Variants in HS2ST1 observed in about 807,000 individuals in gnomAD.
The protein encoded by HS2ST1 is heparan sulfate 2-O-sulfotransferase 1, also known as 2-O-sulfotransferase.
HS2ST1 carries 18 observed loss-of-function variants against 42.9 expected under a neutral mutation model. The ratio of observed to expected loss-of-function variants is 0.42; its 90% confidence interval spans 0.29 to 0.62. HS2ST1 has a LOEUF of 0.62. Ranked by LOEUF, HS2ST1 falls within the 20% of genes least tolerant of loss-of-function variation. HS2ST1 has a pLI of 0.21. For missense variants in HS2ST1, 334 were observed against 433.8 expected (o/e 0.77, Z 2.04); for synonymous variants, 146 against 152.9 (o/e 0.95, Z 0.33).
rs749636675 is a variant in HS2ST1 at position 86,915,066 on chromosome 1, C to G, written c.30C>G (p.Pro10=). ...GGCTCCTCAGGATTATGATGCCGCC[C>G]AAGTTGCAGCTGCTGGCGGTGGTGG... The part of the protein sequence containing the change: MGLLRIMMP[P]KLQLLAVVAF... Residue 10 remains proline (P), a synonymous_variant, in exon 1 of 7, where the codon CCC becomes CCG. Coordinates refer to ENST00000370550, the MANE Select transcript of HS2ST1 (RefSeq NM_012262.4). 67 of 1,614,044 alleles carry G rather than the reference C, an allele frequency of 4.2e-5. No homozygotes were observed. The highest frequency in any genetic ancestry group is 5.4e-5 in the Non-Finnish European group (64 of 1,180,034).
At chr1:86,981,998 A>C (rs1648608767) in intron 1 of HS2ST1, among the ~76,000 whole-genome samples, 2 of 152,340 alleles carry the variant, frequency 1.3e-5, no homozygotes, top group African/African-American at 4.8e-5. Context: ...ACATGCTGTG[A>C]AATCTAGGCA....
intron 1 of HS2ST1, among the ~76,000 whole-genome samples, chr1:86,997,882 ATTCT>A (rs772834928): frequency 1.3e-5 from 2 of 152,182 alleles, no homozygotes; most frequent in Non-Finnish European, 2.9e-5. Flanking sequence ...AAACTTTTGA[ATTCT>A]TTATTTCTGG....
At chr1:87,010,579 T>C (rs1301454984) in intron 1 of HS2ST1, among the ~76,000 whole-genome samples, 1 of 152,150 alleles carries the variant, frequency 6.6e-6, no homozygotes, top group Non-Finnish European at 1.5e-5. Context: ...AGTAACAAAT[T>C]AAACATTTTT....
chr1:86,982,640 G>A (rs901918943), intron 1 of HS2ST1, among the ~76,000 whole-genome samples: 3 of 151,850 alleles, frequency 2.0e-5, no homozygotes, highest in Non-Finnish European at 4.4e-5. Flanking sequence ...TCAGCCTCCC[G>A]AGTAGCTGGG....
At chr1:87,018,890 C>A (rs972573245) in intron 1 of HS2ST1, among the ~76,000 whole-genome samples, 1 of 152,114 alleles carries the variant, frequency 6.6e-6, no homozygotes, top group Non-Finnish European at 1.5e-5. Flanking sequence ...CCTGTTCAAA[C>A]TCCTGTGTGA....
intron 3 of HS2ST1, among the ~76,000 whole-genome samples, chr1:87,090,578 G>T (rs567156785): frequency 2.0e-4 from 30 of 152,114 alleles, no homozygotes; most frequent in African/African-American, 5.1e-4. Context: ...AGGAAGAGAG[G>T]TCACAAGATT....
chr1:87,104,322 C>G (rs2100658663), intron 6 of HS2ST1, 148 bp from the exon 7 acceptor site: 1 of 616,052 alleles, frequency 1.6e-6, no homozygotes, highest in East Asian at 2.8e-5. Flanking sequence ...TTGATCAAGG[C>G]TCCGTTTTTA....
At chr1:87,002,209 G>A (rs1418493888) in intron 1 of HS2ST1, among the ~76,000 whole-genome samples, 2 of 152,156 alleles carry the variant, frequency 1.3e-5, no homozygotes, top group Non-Finnish European at 2.9e-5. Context: ...ACCGTGCCCG[G>A]CCGGACTATT....
chr1:86,971,586 C>T (rs543194971), intron 1 of HS2ST1, among the ~76,000 whole-genome samples: 12 of 152,248 alleles, frequency 7.9e-5, no homozygotes, highest in South Asian at 4.1e-4. Context: ...GTGATAGCTT[C>T]TTTACACGTC....
At chr1:87,089,273 A>T (rs1570540732) in intron 3 of HS2ST1, among the ~76,000 whole-genome samples, 1 of 152,084 alleles carries the variant, frequency 6.6e-6, no homozygotes, top group African/African-American at 2.4e-5. Context: ...ACATGGCAAG[A>T]ATGAAATTCC....
Position 86,929,278 on chromosome 1 carries a change from T to G in HS2ST1, c.124+14118T>G, listed in dbSNP as rs551875264. 7.1e-3 allele frequency among the ~76,000 whole-genome samples: 1,073 copies of G among 151,976 alleles called. 7 individuals are homozygous for G. Among genetic ancestry groups the G allele is most frequent in the Non-Finnish European group, 9.0e-3 (607 of 67,762 alleles). On this transcript the variant is annotated intron_variant, in intron 1 of 6. Transcript: ENST00000370550. Reference sequence around the variant, plus strand: ...GTTTAATATAGTCTACAGCCTACATTTTTTGGTGCTGTAGTTTTTCCCAGT... The same window carrying G: ...GTTTAATATAGTCTACAGCCTACATGTTTTGGTGCTGTAGTTTTTCCCAGT...
intron 5 of HS2ST1, among the ~76,000 whole-genome samples, chr1:87,102,428 G>C (rs1370162649): frequency 6.6e-6 from 1 of 152,058 alleles, no homozygotes; most frequent in Non-Finnish European, 1.5e-5. Context: ...CCAAGGGGAT[G>C]GTGCTAAACC....
At chr1:87,032,478 A>G (rs1235222763) in intron 1 of HS2ST1, among the ~76,000 whole-genome samples, 4 of 152,152 alleles carry the variant, frequency 2.6e-5, no homozygotes, top group Non-Finnish European at 5.9e-5. Context: ...TGTCAAAATA[A>G]ATTAAGGTCA....
rs552229997 is a variant in HS2ST1, at chr1:86,981,721, G to A, written c.124+66561G>A. Among the ~76,000 whole-genome samples the A allele has an allele frequency of 6.6e-5, 10 of 152,358 alleles. No homozygotes were observed. In the South Asian group the frequency reaches 2.1e-3, roughly 32 times the overall value. On this transcript the variant is annotated intron_variant, in intron 1 of 6. Coordinates refer to ENST00000370550, the MANE Select transcript of HS2ST1 (RefSeq NM_012262.4). Reference sequence around the variant, plus strand: ...CACTCTGCCCTTGTGGCTCTGCAGGGTATAGCCCTTGTGGCTGCTTTCCTG... The same window carrying A: ...CACTCTGCCCTTGTGGCTCTGCAGGATATAGCCCTTGTGGCTGCTTTCCTG...
chr1:87,067,481 T>C (rs1166193797), intron 1 of HS2ST1, among the ~76,000 whole-genome samples: 1 of 152,188 alleles, frequency 6.6e-6, no homozygotes, highest in East Asian at 1.9e-4. Context: ...CTTTGTCAGA[T>C]GGGTAGATTG....
At position 86,961,136 on chromosome 1, in the gene HS2ST1, T is replaced by C. The variant is rs527534702; in HGVS notation, c.124+45976T>C. Among the ~76,000 whole-genome samples the C allele has an allele frequency of 2.0e-4, 7 of 35,792 alleles. No individual in the cohort carries two copies. In the South Asian group the frequency reaches 0.013, roughly 64 times the overall value. 23.5% of individuals were successfully genotyped at this position (35,792 alleles called of 152,430 possible). ...CATGAAAAGACATGCACAGAGTCTA[T>C]TTAATAAAAAAAAAAAAATCTACTT... On this transcript the variant is annotated intron_variant, in intron 1 of 6. Coordinates refer to ENST00000370550, the MANE Select transcript of HS2ST1 (RefSeq NM_012262.4).
chr1:87,056,805 A>G (rs1222097626), intron 1 of HS2ST1, among the ~76,000 whole-genome samples: 1 of 152,220 alleles, frequency 6.6e-6, no homozygotes, highest in Admixed American at 6.5e-5. Context: ...AAGTATATCA[A>G]TATAACAGTA....
At position 87,062,539 on chromosome 1, in the gene HS2ST1, G is replaced by A. The variant is rs116703356; in HGVS notation, c.125-10395G>A. 8.2e-3 allele frequency among the ~76,000 whole-genome samples: 1,244 copies of A among 152,148 alleles called. 15 individuals are homozygous for A. Among genetic ancestry groups the A allele is most frequent in the African/African-American group, 0.028 (1,181 of 41,508 alleles). On this transcript the variant is annotated intron_variant, in intron 1 of 6. Transcript: ENST00000370550. ...ATTTAGAGCCACATCACAGAATGCC[G>A]TAATAATTTTGCTTTCTCTGTCAAA...
chr1:87,004,611 CA>C (rs1212532647), intron 1 of HS2ST1, among the ~76,000 whole-genome samples: 1 of 152,134 alleles, frequency 6.6e-6, no homozygotes, highest in East Asian at 1.9e-4. Context: ...TGAAGAATGA[CA>C]AAGTAAAATT....
Sources: gnomAD v4.1 joint callset for allele counts (sites outside exome capture counted in the v4.1 genomes callset) on GRCh38, gnomAD v4.1.1 for gene constraint, MANE v1.5 for transcripts, NCBI Gene and HGNC (gene_info 2026-07-23, HGNC 2026-07-21) for gene names.